The following SLC45A3 variants were observed in gnomAD, a reference collection of about 807,000 sequenced individuals.
SLC45A3 encodes the protein solute carrier family 45 member 3, also known as prostate cancer associated protein 2.
In SLC45A3, 17 loss-of-function variants were observed where a neutral mutation model predicts 35.3. That is an observed-to-expected ratio of 0.48 (90% CI 0.33 to 0.72). SLC45A3 has a LOEUF of 0.72. Among genes scored for constraint, SLC45A3 ranks in the 30% least tolerant of loss-of-function variants. The pLI is 0.02. For synonymous variants in SLC45A3, 288 were observed against 334.3 expected (o/e 0.86, Z 1.51); for missense variants, 597 against 731.7 (o/e 0.82, Z 2.12).
Position 205,662,734 on chromosome 1 carries a change from C to T in SLC45A3, c.958+99G>A, listed in dbSNP as rs753851973. 2.4e-5 allele frequency: 36 copies of T among 1,489,154 alleles called. No homozygotes were observed. Among genetic ancestry groups the T allele is most frequent in the Middle Eastern group, 2.5e-4 (1 of 3,930 alleles). The allele number at this position is 1,489,154 out of a possible 1,614,324, so 92.2% of individuals were successfully genotyped here. A position where few individuals can be genotyped will look rare whatever the true frequency, so the allele number is the denominator to read the frequency against. On this transcript the variant is annotated intron_variant, in intron 3 of 4. Coordinates refer to ENST00000367145, the MANE Select transcript of SLC45A3 (RefSeq NM_033102.3). This position sits in a 1 kb window ranked among gnomAD's most constrained non-coding sequence, Gnocchi z 6.2. ...ATCCCCACTTTCCTGACAGAGAAGT[C>T]GGGGCCAGGATGGAGAGGCACCAGC...
chr1:205,670,422 C>T lies in SLC45A3; in HGVS notation c.-230-5536G>A, dbSNP rs190076539. Among the ~76,000 whole-genome samples, 749 of 152,252 alleles carry T rather than the reference C, an allele frequency of 4.9e-3. 4 individuals carry two copies. The highest frequency in any genetic ancestry group is 9.6e-3 in the African/African-American group (400 of 41,536). On this transcript the variant is annotated intron_variant, in intron 1 of 4. Coordinates refer to ENST00000367145, the MANE Select transcript of SLC45A3 (RefSeq NM_033102.3). The stretch of plus-strand genomic sequence containing the variant: ...AAAAAACAGTGATTTGCAGAAAAAG[C>T]GGAGGCCCACGACTTCACAGGGCTC...
rs1671088754 is a variant in SLC45A3 at position 205,664,649 on chromosome 1, T to TGGAC, written c.4_7dup (p.Gln3ArgfsTer75). The TGGAC allele has an allele frequency of 6.2e-7, 1 of 1,614,148 alleles. No homozygotes were observed. Among genetic ancestry groups the TGGAC allele is most frequent in the Non-Finnish European group, 8.5e-7 (1 of 1,180,006 alleles). ...CAGCAGGCGGCTCACCCACAGCCTC[T>TGGAC]GGACCATAGTGGGCCAGGCGGGTAG... On this transcript the variant is annotated frameshift_variant, in exon 2 of 5. Transcript: ENST00000367145. LOFTEE classifies it high-confidence loss of function. This position sits in a 1 kb window ranked among gnomAD's most constrained non-coding sequence, Gnocchi z 5.3.
At chr1:205,673,712 C>G (rs1487893468) in intron 1 of SLC45A3, among the ~76,000 whole-genome samples, 1 of 152,148 alleles carries the variant, frequency 6.6e-6, no homozygotes, top group Non-Finnish European at 1.5e-5. Flanking sequence ...GTGATCAGTC[C>G]CATTTATAAA....
intron 1 of SLC45A3, 132 bp downstream of exon 1, chr1:205,680,262 C>G (rs1671383761): frequency 6.6e-6 from 1 of 151,982 alleles, no homozygotes; most frequent in South Asian, 2.1e-4. Flanking sequence ...GCGCAGCGCC[C>G]CGGACGGCCA....
intron 1 of SLC45A3, among the ~76,000 whole-genome samples, chr1:205,675,008 G>A (rs374087661): frequency 7.0e-4 from 107 of 152,280 alleles, no homozygotes; most frequent in Middle Eastern, 3.4e-3. Context: ...GAGCCACCGC[G>A]CCCAGCCTAA....
chr1:205,662,181 T>C lies in SLC45A3; in HGVS notation c.959-55A>G. On this transcript the variant is annotated intron_variant, in intron 3 of 4. Transcript: ENST00000367145. This position sits in a 1 kb window ranked among gnomAD's most constrained non-coding sequence, Gnocchi z 6.2. Reference sequence around the variant, plus strand: ...GCCTGGGAGGGAAGGGTCGGAGCAGTCTCAGGGAGATGAGAAGGCGGAACC... The same window carrying C: ...GCCTGGGAGGGAAGGGTCGGAGCAGCCTCAGGGAGATGAGAAGGCGGAACC... 1 of 1,555,386 alleles carries C rather than the reference T, an allele frequency of 6.4e-7. No homozygotes were observed. Among genetic ancestry groups the C allele is most frequent in the South Asian group, 1.2e-5 (1 of 82,264 alleles).
chr1:205,659,212 A>G lies in SLC45A3; in HGVS notation c.*22T>C. 3.2e-6 allele frequency: 5 copies of G among 1,581,970 alleles called. No individual in the cohort carries two copies. The highest frequency in any genetic ancestry group is 4.3e-6 in the Non-Finnish European group (5 of 1,161,508). On this transcript the variant is annotated 3_prime_UTR_variant, in exon 5 of 5. Coordinates refer to ENST00000367145, the MANE Select transcript of SLC45A3 (RefSeq NM_033102.3). The surrounding 1 kb of genome is among the most constrained non-coding windows in gnomAD (Gnocchi z 5.8). ...TGGGACCCAGTGAGGCAGGCCCTCC[A>G]CCCCAATGTGCTGGAAGTTTTCTAC...
Position 205,659,381 on chromosome 1 carries a change from G to A in SLC45A3, c.1515C>T (p.Ala505=). The A allele has an allele frequency of 6.2e-7, 1 of 1,614,162 alleles. No individual in the cohort carries two copies. Among genetic ancestry groups the A allele is most frequent in the Non-Finnish European group, 8.5e-7 (1 of 1,180,026 alleles). ...CAATGGAGCCCATAAACAGGGATGG[G>A]GCCACCTGGGACAGCAGGAAGGCAC... is the stretch of plus-strand genomic sequence containing the variant. ...LDSAFLLSQV[A]PSLFMGSIVQ... is the part of the protein sequence containing the mutation. The change falls in exon 5 of 5, where the codon GCC becomes GCT. Residue 505 remains alanine (A), a synonymous_variant. Transcript: ENST00000367145. This position sits in a 1 kb window ranked among gnomAD's most constrained non-coding sequence, Gnocchi z 5.8.
chr1:205,663,992 T>C (rs1484645717), intron 2 of SLC45A3, among the ~76,000 whole-genome samples: 1 of 152,106 alleles, frequency 6.6e-6, no homozygotes, highest in African/African-American at 2.4e-5. Context: ...TTTTGTAGAA[T>C]TTATCTGCAG....
chr1:205,667,120 G>C (rs1671131863), intron 1 of SLC45A3, among the ~76,000 whole-genome samples: 1 of 152,194 alleles, frequency 6.6e-6, no homozygotes, highest in African/African-American at 2.4e-5. Context: ...TGTAATCTCA[G>C]CACTTTGGGA....
intron 1 of SLC45A3, among the ~76,000 whole-genome samples, chr1:205,679,196 T>C (rs1305577202): frequency 1.3e-5 from 2 of 152,144 alleles, no homozygotes; most frequent in East Asian, 3.9e-4. Flanking sequence ...CTATTCTTAG[T>C]CCCTGCTCCA....
At chr1:205,671,194 G>A (rs1205033213) in intron 1 of SLC45A3, among the ~76,000 whole-genome samples, 3 of 152,218 alleles carry the variant, frequency 2.0e-5, no homozygotes, top group African/African-American at 7.2e-5. Flanking sequence ...CCTAAGCTAG[G>A]GCTGAAGCAT....
chr1:205,679,911 G>A (rs1671375395), intron 1 of SLC45A3, among the ~76,000 whole-genome samples: 1 of 152,064 alleles, frequency 6.6e-6, no homozygotes, highest in Non-Finnish European at 1.5e-5. Flanking sequence ...GCGCGCCGCA[G>A]TGACTCATCC....
rs1483698332 is a variant in SLC45A3 at position 205,662,441 on chromosome 1, T to C, written c.959-315A>G. ...CAGCTGGCCATAGGCTTCAAGACGC[T>C]TCTAGGACGCCTGAGCTGGAAGGCG... On this transcript the variant is annotated intron_variant, in intron 3 of 4. Transcript: ENST00000367145. The surrounding 1 kb of genome is among the most constrained non-coding windows in gnomAD (Gnocchi z 6.2). The C allele has an allele frequency of 3.8e-6, 5 of 1,316,926 alleles. No individual in the cohort carries two copies. The highest frequency in any genetic ancestry group is 3.9e-6 in the Non-Finnish European group (4 of 1,035,166). 81.6% of individuals were successfully genotyped at this position (1,316,926 alleles called of 1,614,324 possible).
chr1:205,680,209 C>T (rs1671382735), intron 1 of SLC45A3, among the ~76,000 whole-genome samples, 185 bp downstream of exon 1: 2 of 152,026 alleles, frequency 1.3e-5, no homozygotes, highest in South Asian at 2.1e-4. Flanking sequence ...CCCGGCAGAG[C>T]GTGTGGGACG....
In SLC45A3 at chr1:205,669,369, G is replaced by A. The variant is rs936772401; in HGVS notation, c.-230-4483C>T. Reference sequence around the variant, plus strand: ...AGAGTGGCAGAGAAGGAGGAAAGCTGACCCGAGCCCACTCCCTGGTAGCTC... The same window carrying A: ...AGAGTGGCAGAGAAGGAGGAAAGCTAACCCGAGCCCACTCCCTGGTAGCTC... On this transcript the variant is annotated intron_variant, in intron 1 of 4. Transcript: ENST00000367145. This position sits in a 1 kb window ranked among gnomAD's most constrained non-coding sequence, Gnocchi z 4.1. 6.6e-6 allele frequency among the ~76,000 whole-genome samples: 1 copy of A among 152,180 alleles called. No individual in the cohort carries two copies. Among genetic ancestry groups the A allele is most frequent in the Non-Finnish European group, 1.5e-5 (1 of 68,032 alleles).
rs750381052 is a variant in SLC45A3 at position 205,662,495 on chromosome 1, G to C, written c.958+338C>G. 1.6e-4 allele frequency: 200 copies of C among 1,286,764 alleles called. No homozygotes were observed. The highest frequency in any genetic ancestry group is 1.9e-4 in the Non-Finnish European group (196 of 1,017,820). The allele number at this position is 1,286,764 out of a possible 1,614,324, so 79.7% of individuals were successfully genotyped here. A position where few individuals can be genotyped will look rare whatever the true frequency, so the allele number is the denominator to read the frequency against. On this transcript the variant is annotated intron_variant, in intron 3 of 4. Coordinates refer to ENST00000367145, the MANE Select transcript of SLC45A3 (RefSeq NM_033102.3). The surrounding 1 kb of genome is among the most constrained non-coding windows in gnomAD (Gnocchi z 6.2). Reference sequence around the variant, plus strand: ...GTGAGATTATTTGGAAAGTCGTTGGGGGAGCAGAGGGCACACTGCGGCTGG... The same window carrying C: ...GTGAGATTATTTGGAAAGTCGTTGGCGGAGCAGAGGGCACACTGCGGCTGG...
At position 205,659,289 on chromosome 1, in the gene SLC45A3, T is replaced by TA. The variant is rs1558032930; in HGVS notation, c.1606dup (p.Tyr536LeufsTer9). 1.2e-6 allele frequency: 2 copies of TA among 1,614,102 alleles called. No homozygotes were observed. On this transcript the variant is annotated frameshift_variant, in exon 5 of 5. Transcript: ENST00000367145. LOFTEE classifies it high-confidence loss of function. This position sits in a 1 kb window ranked among gnomAD's most constrained non-coding sequence, Gnocchi z 5.8. ...GTCAAATACTACCTGTGTAGCAAAG[T>TA]AAATGGCGACCAGACCCAGGCCTGC... is the stretch of plus-strand genomic sequence containing the variant.
At position 205,659,045 on chromosome 1, in the gene SLC45A3, A is replaced by G. The variant is rs897891033; in HGVS notation, c.*189T>C. 8.1e-6 allele frequency: 5 copies of G among 619,062 alleles called. No homozygotes were observed. The highest frequency in any genetic ancestry group is 5.5e-5 in the African/African-American group (3 of 54,152). 38.3% of individuals were successfully genotyped at this position (619,062 alleles called of 1,614,324 possible). ...AGGCAGCCCTAGAGACTGGGGAGAG[A>G]GGAGAGGGACGCCCCAGCCCCCAGC... On this transcript the variant is annotated 3_prime_UTR_variant, in exon 5 of 5. Transcript: ENST00000367145. This position sits in a 1 kb window ranked among gnomAD's most constrained non-coding sequence, Gnocchi z 5.8.
Sources: gnomAD v4.1 joint callset for allele counts (sites outside exome capture counted in the v4.1 genomes callset) on GRCh38, gnomAD v4.1.1 for gene constraint, Gnocchi (gnomAD v3.1) non-coding constraint, MANE v1.5 for transcripts, NCBI Gene and HGNC (gene_info 2026-07-23, HGNC 2026-07-21) for gene names.